GALNT13: variants seen among roughly 807,000 people sequenced by gnomAD.
The protein encoded by GALNT13 is polypeptide N-acetylgalactosaminyltransferase 13.
GALNT13 carries 28 observed loss-of-function variants against 64.2 expected under a neutral mutation model. The observed-to-expected ratio is 0.44, with a 90% CI of 0.32 to 0.60. GALNT13 has a LOEUF of 0.60. Among genes scored for constraint, GALNT13 ranks in the 20% least tolerant of loss-of-function variants. The pLI is 0.05. For synonymous variants in GALNT13, 214 were observed against 224.6 expected (o/e 0.95, Z 0.42); for missense variants, 577 against 669.8 (o/e 0.86, Z 1.53).
chr2:153,539,510 G>T, the GALNT13 span, among the ~76,000 whole-genome samples: 69 of 152,066 alleles, frequency 4.5e-4, no homozygotes, highest in East Asian at 7.6e-3. Flanking sequence ...TTCTTCTAGG[G>T]TGTTTATGGT....
chr2:153,850,334 T>C, the GALNT13 span, among the ~76,000 whole-genome samples: 533 of 152,288 alleles, frequency 3.5e-3, 1 homozygote, highest in Non-Finnish European at 6.1e-3. Flanking sequence ...TTCATCTCAG[T>C]AGTAAAGAGA....
intron 7 of GALNT13, among the ~76,000 whole-genome samples, chr2:154,255,210 A>G (rs1690305520): frequency 6.6e-6 from 1 of 152,162 alleles, no homozygotes; most frequent in African/African-American, 2.4e-5. Context: ...CAGAGGAAAA[A>G]GTTAAGGACA....
the GALNT13 span, among the ~76,000 whole-genome samples, chr2:153,315,437 G>A: frequency 6.6e-6 from 1 of 152,096 alleles, no homozygotes; most frequent in Non-Finnish European, 1.5e-5. Flanking sequence ...CCAGCACCTG[G>A]GTGAGCAGGT....
the GALNT13 span, among the ~76,000 whole-genome samples, chr2:153,318,921 G>A: frequency 2.3e-3 from 349 of 152,122 alleles, no homozygotes; most frequent in African/African-American, 8.1e-3. Context: ...TCCCTTTCAG[G>A]CACTGTGAGG....
At chr2:154,291,684 C>T (rs1214900988) in intron 8 of GALNT13, among the ~76,000 whole-genome samples, 1 of 152,192 alleles carries the variant, frequency 6.6e-6, no homozygotes, top group Non-Finnish European at 1.5e-5. Flanking sequence ...CCTCTCCCTC[C>T]ACACCTCCTG....
chr2:153,536,017 G>C, the GALNT13 span, among the ~76,000 whole-genome samples: 1 of 152,174 alleles, frequency 6.6e-6, no homozygotes. Context: ...CTCGGGGCAT[G>C]TTGAGTAAAA....
intron 3 of GALNT13, among the ~76,000 whole-genome samples, chr2:154,020,158 A>G (rs1697342018): frequency 6.6e-6 from 1 of 152,188 alleles, no homozygotes; most frequent in Non-Finnish European, 1.5e-5. Flanking sequence ...CGCAATAAAC[A>G]TATGTGTGCA....
chr2:153,385,632 TAGAGTGATTATAGTCAAAAC>T, the GALNT13 span, among the ~76,000 whole-genome samples: 1 of 151,960 alleles, frequency 6.6e-6, no homozygotes, highest in African/African-American at 2.4e-5. Context: ...ACCTATTTGA[TAGAGTGATTATAGTCAAAAC>T]AGAGTGATTA....
the GALNT13 span, among the ~76,000 whole-genome samples, chr2:153,500,627 G>C: frequency 6.6e-6 from 1 of 152,166 alleles, no homozygotes; most frequent in African/African-American, 2.4e-5. Flanking sequence ...GGAATAAGCA[G>C]GCTTAGTCTA....
intron 8 of GALNT13, among the ~76,000 whole-genome samples, chr2:154,296,497 C>T (rs1692931460): frequency 6.6e-6 from 1 of 152,184 alleles, no homozygotes; most frequent in Admixed American, 6.5e-5. Context: ...GGAAAAGCCT[C>T]TTTACCAAAC....
chr2:153,299,016 C>T, the GALNT13 span, among the ~76,000 whole-genome samples: 3 of 152,274 alleles, frequency 2.0e-5, no homozygotes, highest in South Asian at 6.2e-4. Context: ...GATTTTGGAG[C>T]ACAAACGTAA....
intron 2 of GALNT13, among the ~76,000 whole-genome samples, chr2:153,903,376 A>G (rs1688357186): frequency 1.3e-5 from 2 of 152,080 alleles, no homozygotes; most frequent in South Asian, 4.1e-4. Flanking sequence ...CTCTTTTTCT[A>G]TTAGGTTAAT....
the GALNT13 span, among the ~76,000 whole-genome samples, chr2:153,381,223 A>C: frequency 6.6e-6 from 1 of 152,110 alleles, no homozygotes; most frequent in Non-Finnish European, 1.5e-5. Context: ...CTGGGATTAC[A>C]GGCATTAGCC....
At chr2:153,225,562 C>T in the GALNT13 span, among the ~76,000 whole-genome samples, 1 of 152,106 alleles carries the variant, frequency 6.6e-6, no homozygotes, top group African/African-American at 2.4e-5. Flanking sequence ...TTTCAGATGA[C>T]ATGATTGTCT....
At chr2:153,699,157 G>T in the GALNT13 span, among the ~76,000 whole-genome samples, 2 of 152,004 alleles carry the variant, frequency 1.3e-5, no homozygotes, top group Non-Finnish European at 2.9e-5. Context: ...GGAGGTAGAG[G>T]TTGCAAAAAA....
At chr2:153,370,911 C>G in the GALNT13 span, 3 of 194,808 alleles carry the variant, frequency 1.5e-5, no homozygotes, top group East Asian at 3.6e-4. Context: ...TCAAGGCCAA[C>G]AAGTACCAGA....
the GALNT13 span, among the ~76,000 whole-genome samples, chr2:153,117,771 A>C: frequency 6.6e-6 from 1 of 152,146 alleles, no homozygotes; most frequent in Non-Finnish European, 1.5e-5. Context: ...ATCTAAAGTC[A>C]TCATGGTCTT....
chr2:153,665,221 C>G, the GALNT13 span, among the ~76,000 whole-genome samples: 1 of 152,138 alleles, frequency 6.6e-6, no homozygotes. Flanking sequence ...CTCTTATGTC[C>G]TGTGGTAAAA....
In GALNT13 at chr2:154,438,718, G is replaced by A. The variant is rs773772696; in HGVS notation, c.1522G>A (p.Asp508Asn). 1 of 1,606,916 alleles carries A rather than the reference G, an allele frequency of 6.2e-7. No individual in the cohort carries two copies. Among genetic ancestry groups the A allele is most frequent in the South Asian group, 1.1e-5 (1 of 90,244 alleles). Residue 508 changes from aspartate (D) to asparagine (N), a missense_variant, in exon 12 of 13, where the codon GAT (aspartate) becomes AAT (asparagine). Around this residue, in one of 3 missense-constraint regions of GALNT13, gnomAD observed 232 missense variants for 270.6 expected, o/e 0.86. Transcript: ENST00000392825. Reference protein sequence around the residue: ...HMRGNQLWEYDAERLTLRHVN... With the variant: ...HMRGNQLWEYNAERLTLRHVN... ...GAGAGGAAATCAGTTATGGGAATAT[G>A]ATGCTGAGGTATAGTATTTTCTTAA...
Sources: gnomAD v4.1 joint callset for allele counts (sites outside exome capture counted in the v4.1 genomes callset) on GRCh38, gnomAD v4.1.1 for gene constraint, gnomAD v4.1.1 regional missense constraint, MANE v1.5 for transcripts, NCBI Gene and HGNC (gene_info 2026-07-23, HGNC 2026-07-21) for gene names.